ANKIB1: variants seen among roughly 807,000 people sequenced by gnomAD.
ANKIB1 encodes the protein ankyrin repeat and IBR domain-containing protein 1.
In ANKIB1, 43 loss-of-function variants were observed where a neutral mutation model predicts 122.1. The ratio of observed to expected loss-of-function variants is 0.35; its 90% CI spans 0.28 to 0.45. ANKIB1 has a LOEUF of 0.45. Among genes scored for constraint, ANKIB1 ranks in the 20% least tolerant of loss-of-function variants. The probability of loss-of-function intolerance (pLI) is 1.00; values close to 1 mark genes in which losing one functional copy is unlikely to be tolerated. For synonymous variants in ANKIB1, 390 were observed against 442.0 expected (o/e 0.88, Z 1.48); for missense variants, 992 against 1,329.5 (o/e 0.75, Z 3.95).
At chr7:92,338,173 G>A (rs1803331232) in intron 5 of ANKIB1, among the ~76,000 whole-genome samples, 1 of 151,912 alleles carries the variant, frequency 6.6e-6, no homozygotes, top group African/African-American at 2.4e-5. Flanking sequence ...CACTTGGGGA[G>A]CCAAGGCGAG....
chr7:92,298,155 T>C (rs1802393132), intron 2 of ANKIB1, among the ~76,000 whole-genome samples: 2 of 152,118 alleles, frequency 1.3e-5, no homozygotes, highest in African/African-American at 2.4e-5. Flanking sequence ...GTAAATATTA[T>C]AAATACAGTG....
chr7:92,266,057 A>G (rs1282684189), intron 1 of ANKIB1, among the ~76,000 whole-genome samples: 2 of 152,218 alleles, frequency 1.3e-5, no homozygotes, highest in Non-Finnish European at 2.9e-5. Flanking sequence ...AGGACCTCCA[A>G]CATTTAGACA....
chr7:92,321,279 A>T (rs1802905586), intron 4 of ANKIB1, among the ~76,000 whole-genome samples: 1 of 152,090 alleles, frequency 6.6e-6, no homozygotes, highest in Non-Finnish European at 1.5e-5. Flanking sequence ...TTTGAAATGT[A>T]CTCTTATTTT....
intron 3 of ANKIB1, among the ~76,000 whole-genome samples, chr7:92,308,426 A>T (rs1802612554): frequency 6.6e-6 from 1 of 152,122 alleles, no homozygotes; most frequent in African/African-American, 2.4e-5. Context: ...AATTTTTGGC[A>T]AGTGGGACCT....
intron 5 of ANKIB1, among the ~76,000 whole-genome samples, chr7:92,338,257 A>G (rs1410793569): frequency 6.9e-6 from 1 of 145,118 alleles, no homozygotes; most frequent in Admixed American, 6.9e-5. Flanking sequence ...AAAAAAATTA[A>G]AAAAAAAAAA....
At chr7:92,383,728 A>G (rs1804571993) in intron 11 of ANKIB1, among the ~76,000 whole-genome samples, 1 of 152,238 alleles carries the variant, frequency 6.6e-6, no homozygotes, top group Admixed American at 6.5e-5. Context: ...CTAGGTATTG[A>G]TGGAACAGAT....
In ANKIB1 at chr7:92,295,077, T is replaced by A; in HGVS notation, c.99T>A (p.Ser33=). ...IYENNPQLKE[S]LDPNTSYGEP... is the part of the protein sequence containing the mutation. Reference sequence around the variant, plus strand: ...AAAACAATCCTCAGCTAAAAGAATCTCTTGATCCAAATACATCTTATGGGG... The same window carrying A: ...AAAACAATCCTCAGCTAAAAGAATCACTTGATCCAAATACATCTTATGGGG... The change falls in exon 2 of 20, where the codon TCT becomes TCA. Residue 33 remains serine, a synonymous_variant. Coordinates refer to ENST00000265742, the MANE Select transcript of ANKIB1 (RefSeq NM_019004.2). 1.3e-6 allele frequency: 2 copies of A among 1,593,874 alleles called. No homozygotes were observed. Among genetic ancestry groups the A allele is most frequent in the South Asian group, 2.3e-5 (2 of 87,400 alleles).
At chr7:92,312,935 G>A (rs1802721335) in intron 3 of ANKIB1, among the ~76,000 whole-genome samples, 1 of 152,074 alleles carries the variant, frequency 6.6e-6, no homozygotes, top group Admixed American at 6.6e-5. Flanking sequence ...GGGGTGGTGG[G>A]TTAGGTCTAT....
intron 10 of ANKIB1, among the ~76,000 whole-genome samples, chr7:92,368,970 TTATTA>T (rs1804167594): frequency 6.6e-6 from 1 of 152,216 alleles, no homozygotes; most frequent in African/African-American, 2.4e-5. Flanking sequence ...TGTGCTTTAT[TTATTA>T]TAACAATGGA....
Position 92,351,019 on chromosome 7 carries a change from A to G in ANKIB1, c.1155A>G (p.Gln385=), listed in dbSNP as rs772576720. The G allele has an allele frequency of 1.2e-6, 2 of 1,604,484 alleles. No homozygotes were observed. The highest frequency in any genetic ancestry group is 1.7e-6 in the Non-Finnish European group (2 of 1,175,038). The change falls in exon 8 of 20, where the codon CAA becomes CAG. Residue 385 remains glutamine (Q), a synonymous_variant. Coordinates refer to ENST00000265742, the MANE Select transcript of ANKIB1 (RefSeq NM_019004.2). ...TTTGCCCTGCATATGATTGCTTCCA[A>G]CTTGTACCTGTGGATATCATAGAAA... ...NIFCPAYDCF[Q]LVPVDIIESV...
chr7:92,343,467 CAG>C (rs1419380731), intron 6 of ANKIB1, among the ~76,000 whole-genome samples: 8 of 152,068 alleles, frequency 5.3e-5, no homozygotes, highest in Non-Finnish European at 1.2e-4. Flanking sequence ...CATTTCCAAA[CAG>C]AGAACTTAAA....
At chr7:92,284,665 A>T (rs749013071) in intron 1 of ANKIB1, among the ~76,000 whole-genome samples, 1 of 150,316 alleles carries the variant, frequency 6.7e-6, no homozygotes. Flanking sequence ...TTCTTCCTTC[A>T]TTCATTCATT....
At chr7:92,361,990 TA>T (rs1803958668) in intron 9 of ANKIB1, among the ~76,000 whole-genome samples, 194 bp from the exon 10 acceptor site, 2 of 152,304 alleles carry the variant, frequency 1.3e-5, no homozygotes, top group East Asian at 3.9e-4. Context: ...TTTGTATTTT[TA>T]GTAGAGACGG....
intron 1 of ANKIB1, among the ~76,000 whole-genome samples, chr7:92,279,184 G>T (rs1281781230): frequency 6.6e-6 from 1 of 152,204 alleles, no homozygotes; most frequent in Non-Finnish European, 1.5e-5. Context: ...AACTCAGGGG[G>T]TAATGTTCAC....
intron 2 of ANKIB1, among the ~76,000 whole-genome samples, chr7:92,301,761 A>G (rs1322385664): frequency 1.3e-5 from 2 of 152,192 alleles, no homozygotes; most frequent in African/African-American, 4.8e-5. Flanking sequence ...AGCATTAAGT[A>G]AAATAACTTT....
intron 10 of ANKIB1, among the ~76,000 whole-genome samples, chr7:92,370,195 G>C (rs944453480): frequency 6.6e-6 from 1 of 152,032 alleles, no homozygotes. Context: ...GCTGGCAGGG[G>C]ATGGGAGGAT....
At chr7:92,249,415 CA>C (rs1173885784) in intron 1 of ANKIB1, among the ~76,000 whole-genome samples, 3 of 151,322 alleles carry the variant, frequency 2.0e-5, no homozygotes, top group Non-Finnish European at 4.4e-5. Context: ...AAGGTTGTTT[CA>C]TATCCTGTGT....
intron 8 of ANKIB1, among the ~76,000 whole-genome samples, 162 bp downstream of exon 8, chr7:92,351,256 G>A (rs1042229523): frequency 3.3e-5 from 5 of 152,164 alleles, no homozygotes; most frequent in Non-Finnish European, 1.5e-5. Context: ...TGGTGATAAA[G>A]TTTGAAGCTA....
At chr7:92,330,906 A>T (rs1358501743) in intron 5 of ANKIB1, among the ~76,000 whole-genome samples, 1 of 152,186 alleles carries the variant, frequency 6.6e-6, no homozygotes, top group Admixed American at 6.5e-5. Flanking sequence ...CTTAATAGTC[A>T]TAATGTAAAA....
Sources: gnomAD v4.1 joint callset for allele counts (sites outside exome capture counted in the v4.1 genomes callset) on GRCh38, gnomAD v4.1.1 for gene constraint, MANE v1.5 for transcripts, NCBI Gene and HGNC (gene_info 2026-07-23, HGNC 2026-07-21) for gene names.